Variants in MORF4L1 observed in about 807,000 individuals in gnomAD.
MORF4L1 encodes the protein mortality factor 4-like protein 1.
Under a neutral mutation model 52.9 loss-of-function variants are expected in MORF4L1, and 4 were observed. The observed-to-expected ratio is 0.08, with a 90% CI of 0.04 to 0.17. The LOEUF is 0.17. MORF4L1 is among the 10% of genes least tolerant of loss of function. MORF4L1 has a pLI of 1.00. For synonymous variants in MORF4L1, 123 were observed against 134.8 expected (o/e 0.91, Z 0.61); for missense variants, 214 against 390.4 (o/e 0.55, Z 3.81).
chr15:78,875,280 GT>G (rs1419602861), intron 1 of MORF4L1, among the ~76,000 whole-genome samples: 1 of 152,178 alleles, frequency 6.6e-6, no homozygotes. Flanking sequence ...GTTCTAGAGG[GT>G]TGCTAGTTAA....
intron 3 of MORF4L1, among the ~76,000 whole-genome samples, chr15:78,885,852 T>G (rs538949420): frequency 3.9e-5 from 6 of 152,350 alleles, no homozygotes; most frequent in African/African-American, 1.2e-4. Context: ...ACTAATCACT[T>G]AGTGAATCTT....
chr15:78,896,855 G>C lies in MORF4L1; in HGVS notation c.888-128G>C, dbSNP rs1470506374. On this transcript the variant is annotated intron_variant, in intron 11 of 11. Coordinates refer to ENST00000426013, the MANE Select transcript of MORF4L1 (RefSeq NM_006791.4). ...TTGTCATTATGTGTGGTTTTACTGTGAGAGAATGTCTGGTTTAATGTATTT... is the reference window on the plus strand; with the variant it reads ...TTGTCATTATGTGTGGTTTTACTGTCAGAGAATGTCTGGTTTAATGTATTT... 15 of 656,172 alleles carry C rather than the reference G, an allele frequency of 2.3e-5. No homozygotes were observed. In the East Asian group the frequency reaches 4.5e-4, roughly 20 times the overall value. The allele number at this position is 656,172 out of a possible 1,614,324, so 40.6% of individuals were successfully genotyped here. A position where few individuals can be genotyped will look rare whatever the true frequency, so the allele number is the denominator to read the frequency against.
chr15:78,873,200 A>C (rs1475077204), intron 1 of MORF4L1, 143 bp downstream of exon 1: 1 of 1,516,376 alleles, frequency 6.6e-7, no homozygotes, highest in East Asian at 2.5e-5. Context: ...GGGAAAGCGC[A>C]TTGCGGATGG....
At chr15:78,891,626 C>G (rs1001189744) in intron 7 of MORF4L1, 54 bp downstream of exon 7, 1 of 1,363,486 alleles carries the variant, frequency 7.3e-7, no homozygotes, top group Non-Finnish European at 1.0e-6. Flanking sequence ...GTCTCAGTTA[C>G]ATGACATAAC....
Position 78,884,109 on chromosome 15 carries a change from CAGG to C in MORF4L1, c.156-2029_156-2027del, listed in dbSNP as rs1596244538. Among the ~76,000 whole-genome samples, 3 of 151,732 alleles carry C rather than the reference CAGG, an allele frequency of 2.0e-5. No homozygotes were observed. In the East Asian group the frequency reaches 5.8e-4, roughly 29 times the overall value. ...ATCCCAGCTAGTTTGTAGGCTGAGG[CAGG>C]AGAACTGCTTGAACCTGGGAGGCAG... On this transcript the variant is annotated intron_variant, in intron 3 of 11. Coordinates refer to ENST00000426013, the MANE Select transcript of MORF4L1 (RefSeq NM_006791.4).
intron 1 of MORF4L1, among the ~76,000 whole-genome samples, chr15:78,875,929 T>G (rs1481229695): frequency 2.0e-5 from 3 of 151,740 alleles, no homozygotes; most frequent in African/African-American, 7.3e-5. Flanking sequence ...AAGTAGTGTT[T>G]TTTTGTTTTG....
chr15:78,881,569 T>C (rs1275047767), intron 3 of MORF4L1, among the ~76,000 whole-genome samples: 6 of 152,102 alleles, frequency 3.9e-5, no homozygotes. Flanking sequence ...TGGGTATAGA[T>C]TGAACACATT....
At chr15:78,876,206 G>A (rs1392147877) in intron 1 of MORF4L1, among the ~76,000 whole-genome samples, 1 of 151,122 alleles carries the variant, frequency 6.6e-6, no homozygotes, top group African/African-American at 2.4e-5. Context: ...AAAGTTCTGG[G>A]ATTACAGGTG....
chr15:78,886,075 G>C (rs2056697930), intron 3 of MORF4L1, 66 bp from the exon 4 acceptor site: 1 of 1,224,936 alleles, frequency 8.2e-7, no homozygotes, highest in Non-Finnish European at 1.2e-6. Context: ...CTTGCCTCTT[G>C]ATCTCAGAAA....
intron 1 of MORF4L1, chr15:78,873,614 G>T (rs921886638): frequency 6.2e-5 from 10 of 162,436 alleles, no homozygotes; most frequent in Non-Finnish European, 1.3e-4. Flanking sequence ...AGATGGCGGC[G>T]CCATCATGGC....
At chr15:78,883,953 C>G (rs147584755) in intron 3 of MORF4L1, among the ~76,000 whole-genome samples, 4,338 of 152,176 alleles carry the variant, frequency 0.029, 238 homozygotes, top group African/African-American at 0.099. Context: ...CACCTGTAAT[C>G]CCAGCACTTT....
chr15:78,892,177 G>C, intron 7 of MORF4L1, 35 bp from the exon 8 acceptor site: 1 of 1,482,682 alleles, frequency 6.7e-7, no homozygotes, highest in East Asian at 2.3e-5. Context: ...AGCAAGAAAG[G>C]TTAGGTTTTT....
At position 78,890,977 on chromosome 15, in the gene MORF4L1, C is replaced by T. The variant is rs531350849; in HGVS notation, c.324-12C>T. On this transcript the variant is annotated splice_polypyrimidine_tract_variant and intron_variant, in intron 5 of 11. Transcript: ENST00000426013. ...GGAAATAATTATTTTTCTTTTTTTTCTCTCCTTTTAGGAAAACGAAAAAGA... is the reference window on the plus strand; with the variant it reads ...GGAAATAATTATTTTTCTTTTTTTTTTCTCCTTTTAGGAAAACGAAAAAGA... 2.2e-5 allele frequency: 31 copies of T among 1,439,082 alleles called. No homozygotes were observed. The highest frequency in any genetic ancestry group is 7.2e-5 in the African/African-American group (5 of 69,348). 89.1% of individuals were successfully genotyped at this position (1,439,082 alleles called of 1,614,324 possible). A position where few individuals can be genotyped will look rare whatever the true frequency, so the allele number is the denominator to read the frequency against.
At chr15:78,892,477 A>C (rs2056817996) in intron 8 of MORF4L1, 164 bp downstream of exon 8, 1 of 495,300 alleles carries the variant, frequency 2.0e-6, no homozygotes, top group Admixed American at 3.6e-5. Context: ...TACCAGAAAG[A>C]GTAAGTTAGA....
At chr15:78,876,726 C>T (rs1286701169) in intron 1 of MORF4L1, 2 of 341,682 alleles carry the variant, frequency 5.9e-6, no homozygotes, top group African/African-American at 2.1e-5. Flanking sequence ...TTGGAGAAGT[C>T]TTTGATCTTC....
chr15:78,880,823 A>G lies in MORF4L1; in HGVS notation c.155+244A>G, dbSNP rs2056588138. ...TTCTAGTGTAATATCTATTAGTCAT[A>G]TAGTCAATCAATTATTCTGGTTGAA... On this transcript the variant is annotated intron_variant, in intron 3 of 11. Transcript: ENST00000426013. Among the ~76,000 whole-genome samples, 2 of 150,772 alleles carry G rather than the reference A, an allele frequency of 1.3e-5. 1 individual carries two copies. Among genetic ancestry groups the G allele is most frequent in the South Asian group, 4.2e-4 (2 of 4,802 alleles).
chr15:78,895,850 C>T (rs895845259), intron 11 of MORF4L1, among the ~76,000 whole-genome samples: 1 of 152,010 alleles, frequency 6.6e-6, no homozygotes, highest in Admixed American at 6.6e-5. Context: ...GCAACGTGGA[C>T]TTGAGAATGT....
At chr15:78,891,773 G>T in intron 7 of MORF4L1, 1 of 528,818 alleles carries the variant, frequency 1.9e-6, no homozygotes. Context: ...CTACCCAATT[G>T]ATCATTTGTT....
rs187908203 is a variant in MORF4L1, at chr15:78,891,673, T to C, written c.438+101T>C. On this transcript the variant is annotated intron_variant, in intron 7 of 11. Coordinates refer to ENST00000426013, the MANE Select transcript of MORF4L1 (RefSeq NM_006791.4). ...TGATTATCTACAAGATTTGCTTACA[T>C]GGTTAATACCTGAAATTAAAAATTT... The C allele has an allele frequency of 1.1e-5, 10 of 933,982 alleles. No homozygotes were observed. In the East Asian group the frequency reaches 2.1e-4, roughly 19 times the overall value. The allele number at this position is 933,982 out of a possible 1,614,324, so 57.9% of individuals were successfully genotyped here. A position where few individuals can be genotyped will look rare whatever the true frequency, so the allele number is the denominator to read the frequency against.
Sources: gnomAD v4.1 joint callset for allele counts (sites outside exome capture counted in the v4.1 genomes callset) on GRCh38, gnomAD v4.1.1 for gene constraint, MANE v1.5 for transcripts, NCBI Gene and HGNC (gene_info 2026-07-23, HGNC 2026-07-21) for gene names.